Variants in SCP2 observed in about 807,000 individuals in gnomAD.
The protein encoded by SCP2 is SCP-2/3-oxoacyl-CoA thiolase.
In SCP2, 48 loss-of-function variants were observed where a neutral mutation model predicts 71.4. The ratio of observed to expected loss-of-function variants is 0.67; its 90% CI spans 0.53 to 0.86. The LOEUF is 0.86. Ranked by LOEUF, SCP2 falls within the 40% of genes least tolerant of loss-of-function variation. SCP2 has a pLI of 0.00. For missense variants in SCP2, 560 were observed against 655.6 expected (o/e 0.85, Z 1.59); for synonymous variants, 220 against 218.1 (o/e 1.01, Z -0.08).
At chr1:52,959,107 A>T (rs752761766) in intron 5 of SCP2, among the ~76,000 whole-genome samples, 3 of 152,020 alleles carry the variant, frequency 2.0e-5, no homozygotes, top group Non-Finnish European at 4.4e-5. Flanking sequence ...AGTAGTTTAT[A>T]TGTAAATTGG....
At chr1:53,037,710 G>C (rs975433541) in intron 13 of SCP2, among the ~76,000 whole-genome samples, 8 of 151,948 alleles carry the variant, frequency 5.3e-5, no homozygotes, top group Non-Finnish European at 8.8e-5. Context: ...CTTGATTTCA[G>C]AACCACTTGT....
At chr1:52,937,832 A>G (rs1653873269) in intron 1 of SCP2, among the ~76,000 whole-genome samples, 2 of 152,254 alleles carry the variant, frequency 1.3e-5, no homozygotes, top group African/African-American at 4.8e-5. Context: ...TAGAACAGCA[A>G]GGTACAGCAA....
chr1:53,014,858 A>C (rs367629242), intron 11 of SCP2, 32 bp from the exon 12 acceptor site: 25 of 1,611,012 alleles, frequency 1.6e-5, no homozygotes, highest in Non-Finnish European at 2.0e-5. Flanking sequence ...AGCTGGTGGA[A>C]GCAGCTCAGT....
intron 8 of SCP2, among the ~76,000 whole-genome samples, chr1:52,977,558 G>A (rs1269408212): frequency 6.6e-6 from 1 of 152,182 alleles, no homozygotes; most frequent in Non-Finnish European, 1.5e-5. Flanking sequence ...GAGCTGGGGC[G>A]GTCTGTAGTA....
chr1:52,960,512 GTGTGTGTA>G (rs1448694665), intron 5 of SCP2, among the ~76,000 whole-genome samples: 4 of 137,170 alleles, frequency 2.9e-5, no homozygotes, highest in Non-Finnish European at 4.7e-5. Context: ...GTGTGTGTGT[GTGTGTGTA>G]TATGTGTGTA....
chr1:53,013,367 C>T (rs907959929), intron 11 of SCP2, among the ~76,000 whole-genome samples: 2 of 144,592 alleles, frequency 1.4e-5, no homozygotes, highest in Non-Finnish European at 3.0e-5. Context: ...GGGCAGATCA[C>T]GAGGTCAGGA....
At chr1:52,979,042 TACA>T (rs1395808779) in intron 9 of SCP2, among the ~76,000 whole-genome samples, 2 of 152,258 alleles carry the variant, frequency 1.3e-5, no homozygotes, top group African/African-American at 2.4e-5. Flanking sequence ...CAAATGATTT[TACA>T]ACAACACTGT....
At chr1:52,975,307 A>G (rs1339079791) in intron 7 of SCP2, among the ~76,000 whole-genome samples, 4 of 152,064 alleles carry the variant, frequency 2.6e-5, no homozygotes, top group Non-Finnish European at 2.9e-5. Context: ...CAGCCTCCCG[A>G]GTAGCTGGGA....
chr1:52,960,864 C>T (rs1229105783), intron 5 of SCP2, among the ~76,000 whole-genome samples: 1 of 150,832 alleles, frequency 6.6e-6, no homozygotes, highest in Non-Finnish European at 1.5e-5. Context: ...GCAGTTCTCC[C>T]ACCTCAGCCT....
intron 5 of SCP2, among the ~76,000 whole-genome samples, chr1:52,956,051 C>T (rs1298312316): frequency 2.0e-5 from 3 of 151,998 alleles, no homozygotes; most frequent in Non-Finnish European, 4.4e-5. Flanking sequence ...TGCCTGTAAT[C>T]CCAGCACTTT....
intron 12 of SCP2, among the ~76,000 whole-genome samples, chr1:53,015,686 C>A (rs1661288354): frequency 6.6e-6 from 1 of 152,194 alleles, no homozygotes; most frequent in South Asian, 2.1e-4. Context: ...TCCATTGACT[C>A]CTTTCCCTCT....
intron 11 of SCP2, among the ~76,000 whole-genome samples, chr1:53,007,718 C>A (rs1660721998): frequency 6.6e-6 from 1 of 151,998 alleles, no homozygotes; most frequent in Non-Finnish European, 1.5e-5. Flanking sequence ...ATTAAAAGAA[C>A]TAGAGAAGCA....
chr1:52,945,744 A>AATATATATATATACATATATATAT (rs1654723818), intron 2 of SCP2, among the ~76,000 whole-genome samples: 3 of 145,726 alleles, frequency 2.1e-5, no homozygotes, highest in African/African-American at 7.8e-5. Context: ...AGTTGTGCAT[A>AATATATATATATACATATATATAT]ATATATATAT....
chr1:52,951,439 C>CAA, intron 4 of SCP2, among the ~76,000 whole-genome samples: 1 of 147,616 alleles, frequency 6.8e-6, no homozygotes, highest in Admixed American at 6.9e-5. Context: ...TGTGTTTATA[C>CAA]AAAATTAAAA....
At chr1:52,929,798 A>AT (rs1572033162) in intron 1 of SCP2, among the ~76,000 whole-genome samples, 2 of 151,656 alleles carry the variant, frequency 1.3e-5, no homozygotes, top group Non-Finnish European at 2.9e-5. Context: ...AATTTTTTGT[A>AT]TTTTTTAGTA....
chr1:52,982,757 T>C (rs1658649129), intron 10 of SCP2, among the ~76,000 whole-genome samples: 1 of 152,166 alleles, frequency 6.6e-6, no homozygotes, highest in South Asian at 2.1e-4. Context: ...GTTATAATTG[T>C]CATATGTGTT....
chr1:52,953,028 A>AT (rs200970751), intron 4 of SCP2, among the ~76,000 whole-genome samples: 2,781 of 83,352 alleles, frequency 0.033, 74 homozygotes, highest in African/African-American at 0.087. Context: ...CTGTTCTTTT[A>AT]TTTTTTTTAA....
intron 5 of SCP2, among the ~76,000 whole-genome samples, chr1:52,959,912 G>C (rs1238940537): frequency 1.4e-5 from 2 of 146,700 alleles, no homozygotes; most frequent in Non-Finnish European, 3.0e-5. Context: ...TTTTTTTTGA[G>C]ACAGAGTCTC....
At chr1:52,931,473 C>A (rs931156737) in intron 1 of SCP2, among the ~76,000 whole-genome samples, 10 of 152,174 alleles carry the variant, frequency 6.6e-5, no homozygotes, top group African/African-American at 1.4e-4. Flanking sequence ...GCTCTAGAAT[C>A]ATCTGAGCTG....
Sources: allele counts gnomAD v4.1 joint callset (sites outside exome capture counted in the v4.1 genomes callset), GRCh38; gene constraint gnomAD v4.1.1; transcripts MANE v1.5; gene names NCBI Gene and HGNC (gene_info 2026-07-23, HGNC 2026-07-21).